Variants in DYM observed in about 807,000 individuals in gnomAD.
The protein encoded by DYM is dyggve-Melchior-Clausen syndrome protein.
Under a neutral mutation model 93.1 loss-of-function variants are expected in DYM, and 78 were observed. The ratio of observed to expected loss-of-function variants is 0.84; its 90% confidence interval spans 0.70 to 1.01. DYM has a LOEUF of 1.01. Ranked by LOEUF, DYM falls within the 50% of genes least tolerant of loss-of-function variation. The pLI is 0.00. For synonymous variants in DYM, 321 were observed against 319.7 expected (o/e 1.00, Z -0.04); for missense variants, 789 against 845.0 (o/e 0.93, Z 0.82).
At chr18:49,373,141 T>C (rs904075309) in intron 5 of DYM, among the ~76,000 whole-genome samples, 2 of 152,184 alleles carry the variant, frequency 1.3e-5, no homozygotes, top group Non-Finnish European at 1.5e-5. Flanking sequence ...ATAAAAATGA[T>C]ATTGTTACAG....
chr18:49,258,683 A>G (rs1019088487), intron 11 of DYM, among the ~76,000 whole-genome samples, 190 bp from the exon 12 acceptor site: 2 of 151,898 alleles, frequency 1.3e-5, no homozygotes, highest in Non-Finnish European at 2.9e-5. Context: ...GGCTGTGGAG[A>G]GTAGGCAGCT....
chr18:49,090,192 A>C, intron 17 of DYM, among the ~76,000 whole-genome samples: 1 of 152,184 alleles, frequency 6.6e-6, no homozygotes. Context: ...CTTTGTCTTT[A>C]TTGGACAAGA....
chr18:49,110,022 C>A (rs1288524700), intron 16 of DYM, among the ~76,000 whole-genome samples: 1 of 152,184 alleles, frequency 6.6e-6, no homozygotes, highest in Non-Finnish European at 1.5e-5. Context: ...GGGTTGGCAA[C>A]CTATAGCCTG....
chr18:49,075,019 G>GA (rs1021945837), intron 17 of DYM, among the ~76,000 whole-genome samples: 1 of 152,138 alleles, frequency 6.6e-6, no homozygotes, highest in Non-Finnish European at 1.5e-5. Flanking sequence ...AGCAATGGGG[G>GA]AGACAGACAG....
chr18:49,345,573 A>G (rs75650692), intron 6 of DYM, among the ~76,000 whole-genome samples: 1,659 of 152,236 alleles, frequency 0.011, 30 homozygotes, highest in African/African-American at 0.038. Context: ...CTAAGGTAGG[A>G]ATACACCTAG....
At chr18:49,256,027 T>C (rs1269437250) in intron 13 of DYM, among the ~76,000 whole-genome samples, 1 of 136,326 alleles carries the variant, frequency 7.3e-6, no homozygotes, top group African/African-American at 2.8e-5. Context: ...GAGCTTGCAG[T>C]GAGCTGAGAT....
chr18:49,228,876 A>G (rs759615334), intron 13 of DYM, among the ~76,000 whole-genome samples: 2 of 152,158 alleles, frequency 1.3e-5, no homozygotes, highest in Non-Finnish European at 2.9e-5. Flanking sequence ...CTGGGTCCAA[A>G]GAAGACCTAA....
chr18:49,064,514 T>C (rs1419153322), intron 17 of DYM, among the ~76,000 whole-genome samples: 1 of 152,172 alleles, frequency 6.6e-6, no homozygotes, highest in Non-Finnish European at 1.5e-5. Context: ...CTAAAGAAAC[T>C]GTTAACAGTA....
intron 1 of DYM, among the ~76,000 whole-genome samples, chr18:49,440,875 A>ATAT (rs2081321516): frequency 3.4e-4 from 1 of 2,982 alleles, no homozygotes; most frequent in African/African-American, 1.3e-3. Flanking sequence ...TATATATAAT[A>ATAT]TATATTATAT....
intron 17 of DYM, among the ~76,000 whole-genome samples, chr18:49,051,241 A>G (rs2072400541): frequency 6.6e-6 from 1 of 152,198 alleles, no homozygotes; most frequent in Non-Finnish European, 1.5e-5. Context: ...CAACTCACTT[A>G]ACCTTTTGTG....
chr18:49,074,492 A>G (rs768768672), intron 17 of DYM, among the ~76,000 whole-genome samples: 1 of 152,136 alleles, frequency 6.6e-6, no homozygotes, highest in Non-Finnish European at 1.5e-5. Context: ...AGATAACTGT[A>G]TTGTGCTTAG....
intron 3 of DYM, among the ~76,000 whole-genome samples, chr18:49,384,691 G>C (rs2068414930): frequency 1.3e-5 from 2 of 148,846 alleles, no homozygotes; most frequent in Admixed American, 6.7e-5. Flanking sequence ...AAATGATTAA[G>C]AAATAAACTA....
At chr18:49,299,109 C>A (rs2060741110) in intron 8 of DYM, among the ~76,000 whole-genome samples, 1 of 152,154 alleles carries the variant, frequency 6.6e-6, no homozygotes, top group African/African-American at 2.4e-5. Flanking sequence ...TCCCCTAAAG[C>A]AGTGTTTCCC....
At chr18:49,318,876 C>T (rs995714245) in intron 8 of DYM, among the ~76,000 whole-genome samples, 2 of 145,496 alleles carry the variant, frequency 1.4e-5, no homozygotes, top group African/African-American at 2.6e-5. Flanking sequence ...TCTCGGCTCA[C>T]TGTAACCTCC....
chr18:49,183,938 G>A (rs745613186), intron 14 of DYM, among the ~76,000 whole-genome samples: 2 of 152,158 alleles, frequency 1.3e-5, no homozygotes, highest in African/African-American at 4.8e-5. Flanking sequence ...TTGTGAACAC[G>A]CAGTGAGAAG....
At chr18:49,341,327 C>T (rs1442345790) in intron 6 of DYM, among the ~76,000 whole-genome samples, 1 of 151,714 alleles carries the variant, frequency 6.6e-6, no homozygotes, top group Non-Finnish European at 1.5e-5. Flanking sequence ...CGTGAAACTA[C>T]TAAAAATACA....
At chr18:49,358,987 C>A (rs941129880) in intron 6 of DYM, among the ~76,000 whole-genome samples, 2 of 152,140 alleles carry the variant, frequency 1.3e-5, no homozygotes, top group African/African-American at 4.8e-5. Flanking sequence ...CGGCTATGGC[C>A]ACACCTGACT....
chr18:49,070,765 GA>G (rs1384888585), intron 17 of DYM, among the ~76,000 whole-genome samples: 3 of 152,166 alleles, frequency 2.0e-5, no homozygotes, highest in Non-Finnish European at 4.4e-5. Context: ...TGAAAGACAA[GA>G]AAATCTCTAT....
intron 17 of DYM, among the ~76,000 whole-genome samples, chr18:49,055,800 C>T (rs938395214): frequency 6.6e-6 from 1 of 152,196 alleles, no homozygotes; most frequent in African/African-American, 2.4e-5. Context: ...TCCCCGCCTT[C>T]GTGAGAATGG....
Sources: allele counts gnomAD v4.1 joint callset (sites outside exome capture counted in the v4.1 genomes callset), GRCh38; gene constraint gnomAD v4.1.1; transcripts MANE v1.5; gene names NCBI Gene and HGNC (gene_info 2026-07-23, HGNC 2026-07-21).